The following ADGRL3 variants were observed in gnomAD, a reference collection of about 807,000 sequenced individuals.
The protein encoded by ADGRL3 is adhesion G protein-coupled receptor L3, also known as calcium-independent alpha-latrotoxin receptor 3.
Under a neutral mutation model 153.5 loss-of-function variants are expected in ADGRL3, and 62 were observed. The observed-to-expected ratio is 0.40, with a 90% CI of 0.33 to 0.50. The LOEUF is 0.50. ADGRL3 is among the 20% of genes least tolerant of loss of function. The probability of loss-of-function intolerance (pLI) is 0.47; values close to 1 mark genes in which losing one functional copy is unlikely to be tolerated. For synonymous variants in ADGRL3, 710 were observed against 672.5 expected (o/e 1.06, Z -0.86); for missense variants, 1,641 against 1,859.4 (o/e 0.88, Z 2.16).
chr4:61,753,999 A>T (rs1034325087), intron 8 of ADGRL3, among the ~76,000 whole-genome samples: 1 of 152,166 alleles, frequency 6.6e-6, no homozygotes, highest in Admixed American at 6.5e-5. Context: ...AAGATACTCA[A>T]TGTATTTGGA....
At chr4:61,400,010 A>G (rs1469847353) in intron 2 of ADGRL3, among the ~76,000 whole-genome samples, 3 of 151,826 alleles carry the variant, frequency 2.0e-5, no homozygotes, top group Non-Finnish European at 4.4e-5. Context: ...CTGAGACAAT[A>G]TAATTTTCAG....
intron 1 of ADGRL3, among the ~76,000 whole-genome samples, chr4:61,254,294 A>G (rs563679459): frequency 6.6e-6 from 1 of 152,154 alleles, no homozygotes; most frequent in Admixed American, 6.6e-5. Context: ...CAGAAGCCTC[A>G]TGGGTCAGGT....
intron 21 of ADGRL3, among the ~76,000 whole-genome samples, chr4:62,014,746 T>G (rs1188482845): frequency 6.6e-6 from 1 of 152,176 alleles, no homozygotes; most frequent in Non-Finnish European, 1.5e-5. Flanking sequence ...TGTAAAATGC[T>G]CTATCATTGA....
At chr4:61,242,180 A>T (rs1755233540) in intron 1 of ADGRL3, among the ~76,000 whole-genome samples, 4 of 151,856 alleles carry the variant, frequency 2.6e-5, no homozygotes, top group Admixed American at 2.0e-4. Flanking sequence ...CTTATTCATG[A>T]TTGTATTTGC....
At chr4:61,439,398 T>G (rs1425278958) in intron 2 of ADGRL3, among the ~76,000 whole-genome samples, 1 of 152,218 alleles carries the variant, frequency 6.6e-6, no homozygotes, top group Non-Finnish European at 1.5e-5. Flanking sequence ...GACCCTTTTA[T>G]AAATCAGAAG....
chr4:61,986,211 A>G (rs547984553), intron 19 of ADGRL3, among the ~76,000 whole-genome samples: 22 of 152,278 alleles, frequency 1.4e-4, no homozygotes, highest in African/African-American at 5.3e-4. Flanking sequence ...TCTACCACAA[A>G]ATTGAGTAAT....
Position 62,073,070 on chromosome 4 carries a change from C to A in ADGRL3, c.*2162C>A, listed in dbSNP as rs761074996. 4 of 152,000 alleles carry A rather than the reference C, an allele frequency of 2.6e-5. No homozygotes were observed. Among genetic ancestry groups the A allele is most frequent in the Non-Finnish European group, 5.9e-5 (4 of 67,974 alleles). The allele number at this position is 152,000 out of a possible 1,614,324, so 9.4% of individuals were successfully genotyped here. A position where few individuals can be genotyped will look rare whatever the true frequency, so the allele number is the denominator to read the frequency against. ...CCTGTTAGGGCAAAGCTAAAAGGAA[C>A]CTGCCAAATTATAATTTCTCCTGTA... On this transcript the variant is annotated 3_prime_UTR_variant, in exon 27 of 27. Coordinates refer to ENST00000683033, the MANE Select transcript of ADGRL3 (RefSeq NM_001387552.1).
At chr4:61,500,063 G>T (rs945764691) in intron 3 of ADGRL3, among the ~76,000 whole-genome samples, 2 of 143,370 alleles carry the variant, frequency 1.4e-5, no homozygotes. Flanking sequence ...GAGAGAGAGA[G>T]AATATCTCCA....
intron 3 of ADGRL3, among the ~76,000 whole-genome samples, chr4:61,506,768 T>C (rs1175636823): frequency 6.6e-6 from 1 of 152,120 alleles, no homozygotes; most frequent in African/African-American, 2.4e-5. Context: ...TTTGACTAAA[T>C]GTAAAGATAA....
chr4:61,438,535 A>T (rs113371129), intron 2 of ADGRL3, among the ~76,000 whole-genome samples: 2,165 of 151,786 alleles, frequency 0.014, 58 homozygotes, highest in African/African-American at 0.049. Context: ...TTTAAAAACA[A>T]TCTGCTATAT....
At chr4:61,516,605 A>G (rs1553951729) in intron 3 of ADGRL3, among the ~76,000 whole-genome samples, 1 of 151,842 alleles carries the variant, frequency 6.6e-6, no homozygotes, top group Middle Eastern at 3.4e-3. Flanking sequence ...TTTTTTCATT[A>G]TTGTCTTGGT....
intron 9 of ADGRL3, among the ~76,000 whole-genome samples, chr4:61,848,079 T>C (rs1428324727): frequency 4.8e-5 from 1 of 20,698 alleles, no homozygotes; most frequent in Non-Finnish European, 2.3e-4. Flanking sequence ...TAAAATATAT[T>C]ATATATATAA....
rs548510189 is a variant in ADGRL3 at position 61,639,370 on chromosome 4, A to T, written c.474-37456A>T. ...TATGAATAAATGCCATACCTATAAAAATAAAATAATCATATACAAAATTTG... is the reference window on the plus strand; with the variant it reads ...TATGAATAAATGCCATACCTATAAATATAAAATAATCATATACAAAATTTG... On this transcript the variant is annotated intron_variant, in intron 5 of 26. Transcript: ENST00000683033. Among the ~76,000 whole-genome samples the T allele has an allele frequency of 3.3e-5, 5 of 152,236 alleles. No homozygotes were observed. In the East Asian group the frequency reaches 9.6e-4, roughly 29 times the overall value.
chr4:61,330,000 C>A (rs1214414952), intron 1 of ADGRL3, among the ~76,000 whole-genome samples: 1 of 152,166 alleles, frequency 6.6e-6, no homozygotes. Flanking sequence ...CTTAGCTCCT[C>A]TTTGGTATCT....
Position 61,733,376 on chromosome 4 carries a change from T to G in ADGRL3, c.1221T>G (p.Ile407Met). The change falls in exon 8 of 27, where the codon ATT becomes ATG. Residue 407 changes from isoleucine (I) to methionine (M), a missense_variant. This residue lies in a region of ADGRL3 where 734 missense variants were observed against 797.0 expected (regional missense o/e 0.92). Transcript: ENST00000683033. ...DDDNEATGNK[I>M]DYIYNTDQSK... ...ACAATGAGGCTACTGGAAATAAGAT[T>G]GACTACATTTACAACACTGACCAAA... The G allele has an allele frequency of 6.2e-7, 1 of 1,613,758 alleles. No homozygotes were observed. Among genetic ancestry groups the G allele is most frequent in the Non-Finnish European group, 8.5e-7 (1 of 1,179,820 alleles).
chr4:61,297,066 A>G (rs891912436), intron 1 of ADGRL3, among the ~76,000 whole-genome samples: 9 of 152,318 alleles, frequency 5.9e-5, no homozygotes, highest in African/African-American at 1.9e-4. Flanking sequence ...TGTGTAGCAC[A>G]TTATTATAAA....
chr4:61,996,153 A>C, intron 19 of ADGRL3, 138 bp from the exon 20 acceptor site: 1 of 616,938 alleles, frequency 1.6e-6, no homozygotes, highest in South Asian at 2.1e-5. Context: ...CAGCATTTAA[A>C]TGAACAAGCA....
At chr4:61,793,160 C>T (rs894527454) in intron 8 of ADGRL3, among the ~76,000 whole-genome samples, 2 of 152,022 alleles carry the variant, frequency 1.3e-5, no homozygotes, top group East Asian at 3.9e-4. Flanking sequence ...TGTGGTGGCT[C>T]ATGCCTGTAA....
chr4:61,770,828 T>A (rs868421396), intron 8 of ADGRL3, among the ~76,000 whole-genome samples: 1 of 152,350 alleles, frequency 6.6e-6, no homozygotes. Flanking sequence ...AAGATCCCTA[T>A]GAGTTGCATG....
Sources: gnomAD v4.1 joint callset for allele counts (sites outside exome capture counted in the v4.1 genomes callset) on GRCh38, gnomAD v4.1.1 for gene constraint, gnomAD v4.1.1 regional missense constraint, MANE v1.5 for transcripts, NCBI Gene and HGNC (gene_info 2026-07-23, HGNC 2026-07-21) for gene names.